DEFB119: variants seen among roughly 807,000 people sequenced by gnomAD.
The protein encoded by DEFB119 is defensin beta 119, also known as beta-defensin 119.
In DEFB119, 3 loss-of-function variants were observed where a neutral mutation model predicts 2.5. The ratio of observed to expected loss-of-function variants is 1.19; its 90% CI spans 0.54 to 3.07. The LOEUF (loss-of-function observed/expected upper bound fraction) is 3.07. Ranked by LOEUF, DEFB119 falls within the 30% of genes most tolerant of loss-of-function variation. The pLI, the probability that DEFB119 is intolerant of heterozygous loss-of-function variation, is 0.03. For synonymous variants in DEFB119, 29 were observed against 33.7 expected (o/e 0.86, Z 0.48); for missense variants, 113 against 101.1 (o/e 1.12, Z -0.50).
intron 1 of DEFB119, among the ~76,000 whole-genome samples, chr20:31,384,742 T>C (rs1986628738): frequency 6.6e-6 from 1 of 152,226 alleles, no homozygotes; most frequent in Admixed American, 6.5e-5. Flanking sequence ...CCTAAATACG[T>C]GAAATGTAGA....
In DEFB119 at chr20:31,390,340, A is replaced by G; in HGVS notation, c.61+83T>C. 2.3e-6 allele frequency: 3 copies of G among 1,300,598 alleles called. No individual in the cohort carries two copies. In the South Asian group the frequency reaches 3.6e-5, roughly 15 times the overall value. The allele number at this position is 1,300,598 out of a possible 1,614,324, so 80.6% of individuals were successfully genotyped here. A position where few individuals can be genotyped will look rare whatever the true frequency, so the allele number is the denominator to read the frequency against. ...GCTGCAGGAGAGAAGGAAAGGCTTC[A>G]GATGATGCCCACAGTGAGAGGGAAG... On this transcript the variant is annotated intron_variant, in intron 1 of 1. Transcript: ENST00000376321.
Position 31,390,507 on chromosome 20 carries a change from G to C in DEFB119, c.-24C>G, listed in dbSNP as rs772324238. 7 of 1,611,926 alleles carry C rather than the reference G, an allele frequency of 4.3e-6. 1 individual carries two copies. In the South Asian group the frequency reaches 6.6e-5, roughly 15 times the overall value. ...ATGGCTGGCAGACCTGAGAGGAGGA[G>C]GTGGCTGAGCTGCAGGGGAAGGAAA... is the stretch of plus-strand genomic sequence containing the variant. On this transcript the variant is annotated 5_prime_UTR_variant, in exon 1 of 2. Coordinates refer to ENST00000376321, the MANE Select transcript of DEFB119 (RefSeq NM_153289.4).
intron 1 of DEFB119, among the ~76,000 whole-genome samples, chr20:31,382,146 C>A (rs1321075885): frequency 6.6e-6 from 1 of 152,162 alleles, no homozygotes; most frequent in African/African-American, 2.4e-5. Context: ...TATTGTATTA[C>A]AGTTATATAA....
intron 1 of DEFB119, among the ~76,000 whole-genome samples, chr20:31,384,675 G>T (rs73246892): frequency 6.6e-6 from 1 of 152,284 alleles, no homozygotes; most frequent in African/African-American, 2.4e-5. Flanking sequence ...GTGTCCTCTA[G>T]TCTGCAAGTG....
At position 31,381,851 on chromosome 20, in the gene DEFB119, G is replaced by A. The variant is rs549975069; in HGVS notation, c.62-4412C>T. Among the ~76,000 whole-genome samples the A allele has an allele frequency of 3.9e-5, 6 of 152,128 alleles. No homozygotes were observed. The East Asian group carries it at 7.7e-4, about 20-fold the overall frequency. On this transcript the variant is annotated intron_variant, in intron 1 of 1. Coordinates refer to ENST00000376321, the MANE Select transcript of DEFB119 (RefSeq NM_153289.4). Reference sequence around the variant, plus strand: ...ATAATGCTGAGCCAAAAAAGAAATAGCCAATCACAAACTCTCACATATGAT... The same window carrying A: ...ATAATGCTGAGCCAAAAAAGAAATAACCAATCACAAACTCTCACATATGAT...
intron 1 of DEFB119, among the ~76,000 whole-genome samples, chr20:31,378,941 C>CTT (rs56082233): frequency 2.0e-4 from 29 of 143,584 alleles, no homozygotes; most frequent in African/African-American, 5.9e-4. Context: ...AAAGTGGACA[C>CTT]TTTTTTTTTT....
At chr20:31,388,376 A>G (rs978706938) in intron 1 of DEFB119, 1 of 925,866 alleles carries the variant, frequency 1.1e-6, no homozygotes, top group African/African-American at 1.8e-5. Context: ...TAGATTCTAC[A>G]ATTACTCTAA....
At chr20:31,381,416 C>T (rs1986501089) in intron 1 of DEFB119, among the ~76,000 whole-genome samples, 1 of 152,230 alleles carries the variant, frequency 6.6e-6, no homozygotes, top group African/African-American at 2.4e-5. Context: ...GTCTAATCTG[C>T]ATGCCTTTCA....
chr20:31,386,325 C>T (rs1986702930), intron 1 of DEFB119, among the ~76,000 whole-genome samples: 1 of 152,136 alleles, frequency 6.6e-6, no homozygotes, highest in South Asian at 2.1e-4. Context: ...CATGGGCAGC[C>T]TAAGTGTCCC....
At chr20:31,379,470 T>C (rs1986426700) in intron 1 of DEFB119, among the ~76,000 whole-genome samples, 1 of 151,394 alleles carries the variant, frequency 6.6e-6, no homozygotes, top group Admixed American at 6.6e-5. Flanking sequence ...CTTTTGTCCA[T>C]TTCTAATTGA....
chr20:31,377,462 A>G (rs764833777), intron 1 of DEFB119, 23 bp from the exon 2 acceptor site: 24 of 1,605,760 alleles, frequency 1.5e-5, no homozygotes, highest in African/African-American at 6.7e-5. Context: ...AAAAAATACA[A>G]ATAGTTAATT....
chr20:31,379,128 G>T (rs1284250304), intron 1 of DEFB119, among the ~76,000 whole-genome samples: 1 of 151,878 alleles, frequency 6.6e-6, no homozygotes, highest in Non-Finnish European at 1.5e-5. Context: ...AGTAGAGATG[G>T]GGTTTCACCA....
At chr20:31,379,935 G>A (rs1372772769) in intron 1 of DEFB119, among the ~76,000 whole-genome samples, 2 of 152,160 alleles carry the variant, frequency 1.3e-5, no homozygotes, top group African/African-American at 4.8e-5. Context: ...AAAGTGGTGG[G>A]ATTACAGGCG....
At chr20:31,379,730 A>G (rs753564841) in intron 1 of DEFB119, among the ~76,000 whole-genome samples, 3 of 149,520 alleles carry the variant, frequency 2.0e-5, no homozygotes, top group Non-Finnish European at 4.4e-5. Flanking sequence ...CAGTGGCACT[A>G]TCTCAGCTCA....
rs2122281515 is a variant in DEFB119 at position 31,377,324 on chromosome 20, G to A, written c.177C>T (p.Ser59=). ...TGCCAGAAATGCTTATCCTCATGTA[G>A]GACTGGAGGCAGCAGGACTGACAAT... ...CRNCQSCCLQ[S]YMRISISGKE... The change falls in exon 2 of 2, where the codon TCC becomes TCT. Residue 59 remains serine, a synonymous_variant. Coordinates refer to ENST00000376321, the MANE Select transcript of DEFB119 (RefSeq NM_153289.4). 6.2e-7 allele frequency: 1 copy of A among 1,614,138 alleles called. No homozygotes were observed. Among genetic ancestry groups the A allele is most frequent in the East Asian group, 2.2e-5 (1 of 44,886 alleles).
intron 1 of DEFB119, among the ~76,000 whole-genome samples, chr20:31,380,250 TA>T (rs1255845517): frequency 6.6e-6 from 1 of 152,168 alleles, no homozygotes. Context: ...ATTTTATATT[TA>T]AATATATATT....
chr20:31,379,901 G>A (rs984259379), intron 1 of DEFB119, among the ~76,000 whole-genome samples: 8 of 152,082 alleles, frequency 5.3e-5, no homozygotes, highest in Admixed American at 2.0e-4. Flanking sequence ...TCCTGACCTC[G>A]TGATCTGCCC....
chr20:31,377,812 G>A (rs768746924), intron 1 of DEFB119, among the ~76,000 whole-genome samples: 25 of 152,144 alleles, frequency 1.6e-4, no homozygotes, highest in Non-Finnish European at 2.5e-4. Flanking sequence ...AAACACAAAC[G>A]AGTGCAGACA....
chr20:31,383,010 T>C (rs1414814954), intron 1 of DEFB119, among the ~76,000 whole-genome samples: 1 of 152,210 alleles, frequency 6.6e-6, no homozygotes, highest in East Asian at 1.9e-4. Context: ...CTCCATAGCC[T>C]TTAAAGAGCC....
Sources: allele counts gnomAD v4.1 joint callset (sites outside exome capture counted in the v4.1 genomes callset), GRCh38; gene constraint gnomAD v4.1.1; transcripts MANE v1.5; gene names NCBI Gene and HGNC (gene_info 2026-07-23, HGNC 2026-07-21).